NDUFAF6: variants seen among roughly 807,000 people sequenced by gnomAD.
The protein encoded by NDUFAF6 is NADH dehydrogenase (ubiquinone) complex I, assembly factor 6.
NDUFAF6 carries 45 observed loss-of-function variants against 40.8 expected under a neutral mutation model. The observed-to-expected ratio is 1.10, with a 90% CI of 0.87 to 1.42. The LOEUF (loss-of-function observed/expected upper bound fraction) is 1.42. Among genes scored for constraint, NDUFAF6 ranks in the 40% most tolerant of loss-of-function variants. NDUFAF6 has a pLI of 0.00. For synonymous variants in NDUFAF6, 185 were observed against 155.9 expected, an observed-to-expected ratio of 1.19 and a Z score of -1.39; for missense variants, 435 against 418.5, an observed-to-expected ratio of 1.04 and a Z score of -0.34.
At chr8:95,054,409 G>C (rs920997795) in intron 8 of NDUFAF6, among the ~76,000 whole-genome samples, 5 of 150,570 alleles carry the variant, frequency 3.3e-5, no homozygotes, top group East Asian at 2.0e-4. Flanking sequence ...AGAAACTCGG[G>C]GGGTGGGGCC....
chr8:94,983,342 G>T (rs552090887), intron 2 of NDUFAF6, among the ~76,000 whole-genome samples: 2 of 131,576 alleles, frequency 1.5e-5, no homozygotes, highest in African/African-American at 5.8e-5. Flanking sequence ...TTGGCTCACC[G>T]CAATCTCTGC....
chr8:94,985,862 AT>A (rs1302603828), intron 2 of NDUFAF6, among the ~76,000 whole-genome samples: 6 of 139,618 alleles, frequency 4.3e-5, no homozygotes, highest in African/African-American at 5.3e-5. Flanking sequence ...ATTTTGTACA[AT>A]TTTTTTCTTC....
chr8:94,934,991 T>C (rs1431648588), intron 1 of NDUFAF6, among the ~76,000 whole-genome samples: 2 of 152,084 alleles, frequency 1.3e-5, no homozygotes, highest in Admixed American at 6.6e-5. Flanking sequence ...TCATAAAAAA[T>C]CATCTACAAT....
At chr8:94,977,750 A>C (rs1387972148) in intron 1 of NDUFAF6, among the ~76,000 whole-genome samples, 1 of 152,088 alleles carries the variant, frequency 6.6e-6, no homozygotes, top group African/African-American at 2.4e-5. Flanking sequence ...CTTCAGACTG[A>C]GGGCTGCACT....
intron 9 of NDUFAF6, among the ~76,000 whole-genome samples, chr8:95,066,078 A>G (rs755175269): frequency 6.6e-6 from 1 of 152,118 alleles, no homozygotes; most frequent in African/African-American, 2.4e-5. Flanking sequence ...CTGAGCATAT[A>G]TCTGTACTCA....
intron 1 of NDUFAF6, among the ~76,000 whole-genome samples, chr8:94,980,076 TAC>T (rs943640745): frequency 3.7e-4 from 56 of 150,670 alleles, no homozygotes; most frequent in African/African-American, 1.3e-3. Context: ...CAGCCTGGTT[TAC>T]AGAGTGAGAC....
chr8:95,011,825 A>G (rs1261011040), intron 2 of NDUFAF6, among the ~76,000 whole-genome samples: 2 of 152,212 alleles, frequency 1.3e-5, no homozygotes, highest in Non-Finnish European at 2.9e-5. Context: ...ATGTACAAAG[A>G]AGAAATTTTA....
chr8:94,949,750 C>A (rs1822405478), intron 2 of NDUFAF6, among the ~76,000 whole-genome samples: 1 of 152,144 alleles, frequency 6.6e-6, no homozygotes, highest in Non-Finnish European at 1.5e-5. Context: ...CTCAGCGACC[C>A]CTCTCGCCGA....
At chr8:94,973,491 G>A (rs563052910) in intron 1 of NDUFAF6, among the ~76,000 whole-genome samples, 6 of 152,052 alleles carry the variant, frequency 3.9e-5, no homozygotes, top group Admixed American at 1.3e-4. Context: ...GGCAGATCAC[G>A]AGGTCAGGAG....
At chr8:95,021,090 T>C (rs187133456), upstream of NDUFAF6, among the ~76,000 whole-genome samples, 385 of 152,324 alleles carry the variant, frequency 2.5e-3, 4 homozygotes, top group African/African-American at 8.8e-3. Context: ...TTTTGTTGGG[T>C]TTGTCTTTCT....
At chr8:95,044,815 A>T in intron 4 of NDUFAF6, among the ~76,000 whole-genome samples, 1 of 149,078 alleles carries the variant, frequency 6.7e-6, no homozygotes. Flanking sequence ...GTTTTTTCTG[A>T]TTTTAAAGAG....
At chr8:95,089,204 G>A (rs1049281907) in intron 2 of NDUFAF6, among the ~76,000 whole-genome samples, 1 of 152,010 alleles carries the variant, frequency 6.6e-6, no homozygotes, top group Non-Finnish European at 1.5e-5. Context: ...GGGACTACAG[G>A]CACACACCAC....
At chr8:94,946,028 A>G (rs1174908116) in intron 2 of NDUFAF6, among the ~76,000 whole-genome samples, 2 of 152,196 alleles carry the variant, frequency 1.3e-5, no homozygotes, top group Admixed American at 6.5e-5. Context: ...ACATTATAAA[A>G]AGTCTAGAAA....
rs540855483 is a variant in NDUFAF6, at chr8:94,920,715, A to G, written c.-935-24768A>G. 6.6e-5 allele frequency among the ~76,000 whole-genome samples: 10 copies of G among 152,116 alleles called. No homozygotes were observed. In the East Asian group the frequency reaches 1.9e-3, roughly 29 times the overall value. ...CCACTCCAGAGCCCTATTATACTGG[A>G]CCCTCCACCCCCAGCTTGCTCCTGG... On this transcript the variant is annotated intron_variant, in intron 1 of 14. Coordinates refer to the NDUFAF6 transcript ENST00000396113.
At chr8:95,090,907 A>G (rs976795688) in intron 2 of NDUFAF6, among the ~76,000 whole-genome samples, 3 of 152,092 alleles carry the variant, frequency 2.0e-5, no homozygotes, top group Non-Finnish European at 4.4e-5. Flanking sequence ...ATTGGACTCC[A>G]AGTTCTTCAG....
downstream of NDUFAF6, among the ~76,000 whole-genome samples, chr8:95,104,403 C>T (rs1122088): frequency 0.031 from 4,775 of 152,250 alleles, 217 homozygotes; most frequent in African/African-American, 0.1. Flanking sequence ...CTAGTCACCT[C>T]GCTCACACAC....
chr8:95,107,478 G>A (rs546126243), downstream of NDUFAF6, among the ~76,000 whole-genome samples: 2 of 152,200 alleles, frequency 1.3e-5, no homozygotes, highest in African/African-American at 4.8e-5. Flanking sequence ...GGGCCTGTCG[G>A]AGGGGTAGGA....
At chr8:95,107,113 T>A (rs10808672), downstream of NDUFAF6, among the ~76,000 whole-genome samples, 126,781 of 152,138 alleles carry the variant, frequency 0.83, 53,256 homozygotes, top group East Asian at 1. Flanking sequence ...ATACCATTTG[T>A]CCCAGCAACC....
At chr8:94,978,849 C>T (rs1036183774) in intron 1 of NDUFAF6, among the ~76,000 whole-genome samples, 17 of 152,202 alleles carry the variant, frequency 1.1e-4, no homozygotes, top group Admixed American at 4.6e-4. Flanking sequence ...TAGGGACTCA[C>T]TACCTGCAGT....
Sources: gnomAD v4.1 joint callset for allele counts (sites outside exome capture counted in the v4.1 genomes callset) on GRCh38, gnomAD v4.1.1 for gene constraint, MANE v1.5 for transcripts, NCBI Gene and HGNC (gene_info 2026-07-23, HGNC 2026-07-21) for gene names.